Variants in MARCHF1 observed in about 807,000 individuals in gnomAD.
The protein encoded by MARCHF1 is membrane associated ring-CH-type finger 1, also known as E3 ubiquitin-protein ligase MARCHF1.
Under a neutral mutation model 54.2 loss-of-function variants are expected in MARCHF1, and 40 were observed. The ratio of observed to expected loss-of-function variants is 0.74; its 90% CI spans 0.57 to 0.96. MARCHF1 has a LOEUF of 0.96. MARCHF1 is among the 40% of genes least tolerant of loss of function. The pLI, the probability that MARCHF1 is intolerant of heterozygous loss-of-function variation, is 0.00. For synonymous variants in MARCHF1, 236 were observed against 236.3 expected (o/e 1.00, Z 0.01); for missense variants, 586 against 656.5 (o/e 0.89, Z 1.17).
chr4:163,673,925 A>C lies in MARCHF1; in HGVS notation c.162+26888T>G, dbSNP rs1313451498. Among the ~76,000 whole-genome samples, 4 of 152,198 alleles carry C rather than the reference A, an allele frequency of 2.6e-5. No homozygotes were observed. In the East Asian group the frequency reaches 7.7e-4, roughly 29 times the overall value. The stretch of plus-strand genomic sequence containing the variant: ...TCAAAATCAAACTTGGAAAAACCAA[A>C]GAAAGGAGTAGGAATATGAATTCCA... On this transcript the variant is annotated intron_variant, in intron 5 of 9. Transcript: ENST00000514618.
chr4:163,654,179 T>C (rs1743062914), intron 5 of MARCHF1, among the ~76,000 whole-genome samples: 1 of 151,718 alleles, frequency 6.6e-6, no homozygotes, highest in Admixed American at 6.6e-5. Context: ...TATTTGGCAA[T>C]GTGGGATTCA....
chr4:163,629,300 A>G (rs1419824472), intron 5 of MARCHF1, among the ~76,000 whole-genome samples: 15 of 152,208 alleles, frequency 9.9e-5, no homozygotes, highest in Admixed American at 9.8e-4. Flanking sequence ...AAAACAAGCA[A>G]TGGGGAAAGG....
chr4:163,580,004 T>C (rs1011484290), intron 8 of MARCHF1, among the ~76,000 whole-genome samples: 10 of 152,086 alleles, frequency 6.6e-5, no homozygotes, highest in Non-Finnish European at 1.5e-5. Flanking sequence ...CTAAAACTCT[T>C]GCCAATGATC....
intron 5 of MARCHF1, among the ~76,000 whole-genome samples, chr4:163,674,518 C>T (rs1438626729): frequency 2.6e-5 from 4 of 152,036 alleles, no homozygotes; most frequent in Admixed American, 6.6e-5. Context: ...TGAAAAGGAC[C>T]GATGAGTTTG....
Position 163,646,662 on chromosome 4 carries a change from GT to G in MARCHF1, c.163-33270del, listed in dbSNP as rs1171008385. The stretch of plus-strand genomic sequence containing the variant: ...TTTGTATGCGGGGAGTAAAAATGTA[GT>G]TTTTTATGTGATTGAAATTAAGTTA... On this transcript the variant is annotated intron_variant, in intron 5 of 9. Transcript: ENST00000514618. Among the ~76,000 whole-genome samples, 6 of 152,028 alleles carry G rather than the reference GT, an allele frequency of 3.9e-5. 1 individual carries two copies. The highest frequency in any genetic ancestry group is 4.1e-4 in the South Asian group (2 of 4,836).
At chr4:163,710,217 AG>A (rs1458153452) in intron 4 of MARCHF1, among the ~76,000 whole-genome samples, 1 of 152,168 alleles carries the variant, frequency 6.6e-6, no homozygotes, top group Non-Finnish European at 1.5e-5. Flanking sequence ...TACTTTGAAA[AG>A]TGGTGACCAT....
At chr4:164,113,663 C>T (rs1755882010) in intron 1 of MARCHF1, among the ~76,000 whole-genome samples, 1 of 151,672 alleles carries the variant, frequency 6.6e-6, no homozygotes, top group Non-Finnish European at 1.5e-5. Flanking sequence ...TGTATAGGTA[C>T]GTCTATCTGA....
At chr4:164,263,139 C>CGTGTGT (rs148563010) in intron 1 of MARCHF1, among the ~76,000 whole-genome samples, 1 of 148,732 alleles carries the variant, frequency 6.7e-6, no homozygotes, top group Non-Finnish European at 1.5e-5. Context: ...TGTACGCGTG[C>CGTGTGT]GTGTGTGTGT....
intron 4 of MARCHF1, among the ~76,000 whole-genome samples, chr4:163,782,404 C>T (rs1358706183): frequency 6.6e-6 from 1 of 152,118 alleles, no homozygotes; most frequent in East Asian, 1.9e-4. Context: ...GGTGTGGTGG[C>T]TCATGCCTGT....
At chr4:164,289,803 A>G (rs747296748) in intron 1 of MARCHF1, among the ~76,000 whole-genome samples, 5 of 151,970 alleles carry the variant, frequency 3.3e-5, no homozygotes, top group Non-Finnish European at 5.9e-5. Flanking sequence ...GTGACTTATC[A>G]AAGTGGTTCA....
intron 1 of MARCHF1, among the ~76,000 whole-genome samples, chr4:164,380,014 T>C (rs1219475418): frequency 6.6e-6 from 1 of 151,580 alleles, no homozygotes; most frequent in Non-Finnish European, 1.5e-5. Context: ...ATGCTATACT[T>C]AGCTTTAAAA....
At chr4:164,173,211 T>G (rs1000145195) in intron 1 of MARCHF1, among the ~76,000 whole-genome samples, 3 of 152,222 alleles carry the variant, frequency 2.0e-5, no homozygotes, top group Admixed American at 2.0e-4. Flanking sequence ...AAATAATTTA[T>G]TCTTGAAGTC....
intron 4 of MARCHF1, among the ~76,000 whole-genome samples, chr4:163,835,590 T>C (rs1749158579): frequency 6.6e-6 from 1 of 152,212 alleles, no homozygotes; most frequent in Admixed American, 6.5e-5. Flanking sequence ...TTTCTGTATG[T>C]CACTTTCCTT....
intron 3 of MARCHF1, among the ~76,000 whole-genome samples, chr4:163,950,207 A>C (rs908203854): frequency 3.2e-4 from 49 of 152,038 alleles, no homozygotes; most frequent in African/African-American, 1.2e-3. Flanking sequence ...CACAGCACCC[A>C]AGCTGTGCTG....
chr4:163,789,082 G>T (rs969193101), intron 4 of MARCHF1, among the ~76,000 whole-genome samples: 12 of 151,936 alleles, frequency 7.9e-5, no homozygotes, highest in African/African-American at 2.9e-4. Flanking sequence ...AAAATTTTCT[G>T]CAAGAAAGAT....
At chr4:164,340,077 G>T (rs1372766350) in intron 1 of MARCHF1, among the ~76,000 whole-genome samples, 1 of 151,844 alleles carries the variant, frequency 6.6e-6, no homozygotes, top group African/African-American at 2.4e-5. Context: ...AATGAGTAAG[G>T]AGATTGAATC....
intron 7 of MARCHF1, among the ~76,000 whole-genome samples, chr4:163,611,370 C>T (rs757710404): frequency 9.2e-5 from 14 of 152,122 alleles, no homozygotes; most frequent in Non-Finnish European, 1.9e-4. Context: ...CTCTGGGTCA[C>T]GTAATTCACA....
intron 3 of MARCHF1, among the ~76,000 whole-genome samples, chr4:163,971,248 G>A (rs1752541753): frequency 6.6e-6 from 1 of 152,204 alleles, no homozygotes; most frequent in Non-Finnish European, 1.5e-5. Context: ...GGATGCTGCA[G>A]TATTATTTCA....
intron 1 of MARCHF1, among the ~76,000 whole-genome samples, chr4:164,323,186 C>T (rs1298511889): frequency 1.3e-5 from 2 of 151,716 alleles, no homozygotes; most frequent in African/African-American, 4.8e-5. Flanking sequence ...CTATGCTGAT[C>T]ATATTATAAT....
Sources: gnomAD v4.1 joint callset for allele counts (sites outside exome capture counted in the v4.1 genomes callset) on GRCh38, gnomAD v4.1.1 for gene constraint, MANE v1.5 for transcripts, NCBI Gene and HGNC (gene_info 2026-07-23, HGNC 2026-07-21) for gene names.